GALNT13: variants seen among roughly 807,000 people sequenced by gnomAD.
The protein encoded by GALNT13 is polypeptide N-acetylgalactosaminyltransferase 13.
GALNT13 carries 28 observed loss-of-function variants against 64.2 expected under a neutral mutation model. The ratio of observed to expected loss-of-function variants is 0.44; its 90% CI spans 0.32 to 0.60. The LOEUF (loss-of-function observed/expected upper bound fraction) is 0.60, where lower values mean the gene tolerates loss of function less well. GALNT13 is among the 20% of genes least tolerant of loss of function. GALNT13 has a pLI of 0.05. For synonymous variants in GALNT13, 214 were observed against 224.6 expected (o/e 0.95, Z 0.42); for missense variants, 577 against 669.8 (o/e 0.86, Z 1.53).
chr2:153,736,782 T>C, the GALNT13 span, among the ~76,000 whole-genome samples: 2 of 152,120 alleles, frequency 1.3e-5, no homozygotes, highest in African/African-American at 2.4e-5. Flanking sequence ...TTCTTTGACA[T>C]TATCTTCAGT....
the GALNT13 span, among the ~76,000 whole-genome samples, chr2:153,835,329 C>T: frequency 6.6e-6 from 1 of 151,922 alleles, no homozygotes; most frequent in Non-Finnish European, 1.5e-5. Flanking sequence ...GATAGAATTG[C>T]AAAACACAAG....
At chr2:154,015,866 T>C (rs1226246773) in intron 3 of GALNT13, among the ~76,000 whole-genome samples, 1 of 152,176 alleles carries the variant, frequency 6.6e-6, no homozygotes, top group African/African-American at 2.4e-5. Context: ...ATATTTATCC[T>C]AATATTTTAC....
upstream of GALNT13, among the ~76,000 whole-genome samples, chr2:153,869,233 A>G (rs1292382453): frequency 6.6e-6 from 1 of 152,156 alleles, no homozygotes; most frequent in Non-Finnish European, 1.5e-5. Context: ...TTGATATAAA[A>G]CTAATTTGAT....
At chr2:153,077,610 A>C in the GALNT13 span, among the ~76,000 whole-genome samples, 1 of 152,192 alleles carries the variant, frequency 6.6e-6, no homozygotes, top group Non-Finnish European at 1.5e-5. Flanking sequence ...GTTGCTGTCT[A>C]ATGTAAGCAT....
the GALNT13 span, among the ~76,000 whole-genome samples, chr2:153,289,039 C>T: frequency 6.6e-6 from 1 of 152,178 alleles, no homozygotes; most frequent in Admixed American, 6.5e-5. Context: ...CTTTGCGTCC[C>T]ATGACTTGTA....
the GALNT13 span, among the ~76,000 whole-genome samples, chr2:153,613,848 C>T: frequency 6.6e-6 from 1 of 151,846 alleles, no homozygotes; most frequent in Admixed American, 6.6e-5. Flanking sequence ...GAACATCACG[C>T]ACTGGGGCCT....
At chr2:154,118,937 T>C (rs1183447653) in intron 3 of GALNT13, among the ~76,000 whole-genome samples, 1 of 152,188 alleles carries the variant, frequency 6.6e-6, no homozygotes, top group Admixed American at 6.5e-5. Context: ...GTTGTTGTTT[T>C]GCATTTTAAT....
chr2:153,569,038 T>G, the GALNT13 span, among the ~76,000 whole-genome samples: 1 of 152,210 alleles, frequency 6.6e-6, no homozygotes, highest in Non-Finnish European at 1.5e-5. Flanking sequence ...GGTTTCAGAT[T>G]CAGGACTATT....
At chr2:153,304,625 C>T in the GALNT13 span, among the ~76,000 whole-genome samples, 47 of 152,082 alleles carry the variant, frequency 3.1e-4, 1 homozygote, top group African/African-American at 1.1e-3. Flanking sequence ...CTAATTTTCC[C>T]TCCCCATAAT....
the GALNT13 span, among the ~76,000 whole-genome samples, chr2:153,113,875 A>T: frequency 5.4e-4 from 82 of 152,200 alleles, no homozygotes; most frequent in Non-Finnish European, 1.0e-3. Flanking sequence ...TGGTGTTAGA[A>T]ACTTGTAATT....
chr2:154,037,359 A>G (rs1698719138), intron 3 of GALNT13, among the ~76,000 whole-genome samples: 1 of 152,136 alleles, frequency 6.6e-6, no homozygotes, highest in Non-Finnish European at 1.5e-5. Flanking sequence ...TGTTTATAAT[A>G]AAGGCTATAT....
chr2:154,006,090 G>A (rs1696231368), intron 3 of GALNT13, among the ~76,000 whole-genome samples: 1 of 152,172 alleles, frequency 6.6e-6, no homozygotes, highest in African/African-American at 2.4e-5. Context: ...CTTCTAGGGT[G>A]CAAATCTGGT....
the GALNT13 span, among the ~76,000 whole-genome samples, chr2:153,461,761 G>C: frequency 6.6e-6 from 1 of 152,034 alleles, no homozygotes; most frequent in Admixed American, 6.6e-5. Context: ...AGAACAATTA[G>C]ACAAGAATCA....
At chr2:154,391,984 G>A (rs1423258036) in intron 9 of GALNT13, among the ~76,000 whole-genome samples, 1 of 152,130 alleles carries the variant, frequency 6.6e-6, no homozygotes, top group Non-Finnish European at 1.5e-5. Flanking sequence ...CTTGGACCAA[G>A]TAAAGAACAA....
At chr2:153,836,908 T>C in the GALNT13 span, among the ~76,000 whole-genome samples, 1 of 152,124 alleles carries the variant, frequency 6.6e-6, no homozygotes, top group Non-Finnish European at 1.5e-5. Flanking sequence ...AGTCTATCAT[T>C]GTTGGACATT....
intron 9 of GALNT13, among the ~76,000 whole-genome samples, chr2:154,366,219 A>C (rs966679235): frequency 6.6e-6 from 1 of 152,202 alleles, no homozygotes; most frequent in African/African-American, 2.4e-5. Flanking sequence ...GCAGAAAGTC[A>C]TAATCTGATA....
chr2:153,648,869 A>G, the GALNT13 span, among the ~76,000 whole-genome samples: 1 of 152,140 alleles, frequency 6.6e-6, no homozygotes, highest in Admixed American at 6.5e-5. Context: ...TCGGTTTGCT[A>G]GTATCTTATT....
At chr2:153,495,322 CAAACAACAACAACAA>C in the GALNT13 span, among the ~76,000 whole-genome samples, 465 of 150,498 alleles carry the variant, frequency 3.1e-3, 12 homozygotes, top group East Asian at 0.094. Context: ...AACAAACAAA[CAAACAACAACAACAA>C]AAACAACAAC....
At chr2:154,428,891 C>T (rs1304747824) in intron 11 of GALNT13, among the ~76,000 whole-genome samples, 1 of 152,008 alleles carries the variant, frequency 6.6e-6, no homozygotes, top group Non-Finnish European at 1.5e-5. Flanking sequence ...ATGCCATTCT[C>T]CTGCCTCAGC....
Sources: allele counts gnomAD v4.1 joint callset (sites outside exome capture counted in the v4.1 genomes callset), GRCh38; gene constraint gnomAD v4.1.1; transcripts MANE v1.5; gene names NCBI Gene and HGNC (gene_info 2026-07-23, HGNC 2026-07-21).